The following CCDC171 variants were observed in gnomAD, a reference collection of about 807,000 sequenced individuals.
CCDC171 encodes the protein coiled-coil domain containing 171.
CCDC171 carries 177 observed loss-of-function variants against 168.2 expected under a neutral mutation model. The observed-to-expected ratio is 1.05, with a 90% confidence interval of 0.93 to 1.19. The LOEUF (loss-of-function observed/expected upper bound fraction) is 1.19, where lower values mean the gene tolerates loss of function less well. Ranked by LOEUF, CCDC171 falls within the 50% of genes most tolerant of loss-of-function variation. The pLI, the probability that CCDC171 is intolerant of heterozygous loss-of-function variation, is 0.00. For missense variants in CCDC171, 1,991 were observed against 1,539.0 expected (o/e 1.29, Z -4.91); for synonymous variants, 687 against 540.8 (o/e 1.27, Z -3.75).
chr9:15,828,303 T>C (rs2060096683), intron 21 of CCDC171, among the ~76,000 whole-genome samples: 1 of 145,746 alleles, frequency 6.9e-6, no homozygotes, highest in South Asian at 2.3e-4. Context: ...GATCTAAATT[T>C]GGAAGGCAGG....
At chr9:16,007,093 A>C (rs1411978516) in intron 3 of CCDC171, among the ~76,000 whole-genome samples, 1 of 151,914 alleles carries the variant, frequency 6.6e-6, no homozygotes, top group Non-Finnish European at 1.5e-5. Context: ...TCCAGCACCC[A>C]TTGTTTCCTG....
chr9:15,740,399 T>C (rs1221893090), intron 16 of CCDC171, among the ~76,000 whole-genome samples: 1 of 151,394 alleles, frequency 6.6e-6, no homozygotes, highest in African/African-American at 2.4e-5. Context: ...TTTTTTTATG[T>C]ACAAATAACG....
intron 1 of CCDC171, among the ~76,000 whole-genome samples, chr9:16,059,127 C>CCATG (rs1329141722): frequency 6.6e-6 from 1 of 152,150 alleles, no homozygotes; most frequent in Non-Finnish European, 1.5e-5. Flanking sequence ...GTCTGATGAG[C>CCATG]CATGTTCTTG....
At chr9:15,831,195 A>C (rs890837112) in intron 21 of CCDC171, among the ~76,000 whole-genome samples, 3 of 151,954 alleles carry the variant, frequency 2.0e-5, no homozygotes, top group Non-Finnish European at 2.9e-5. Flanking sequence ...GATGGTCTCG[A>C]ACTCCTAACC....
At chr9:15,873,887 C>A (rs1817508496) in intron 23 of CCDC171, among the ~76,000 whole-genome samples, 1 of 151,994 alleles carries the variant, frequency 6.6e-6, no homozygotes, top group South Asian at 2.1e-4. Context: ...ACAAATACTA[C>A]TGATTTTATC....
intron 6 of CCDC171, among the ~76,000 whole-genome samples, chr9:15,596,555 G>A (rs77385603): frequency 1.3e-5 from 2 of 152,030 alleles, no homozygotes; most frequent in East Asian, 3.8e-4. Flanking sequence ...TAGCCTTGTA[G>A]TATAGTTTGA....
intron 25 of CCDC171, among the ~76,000 whole-genome samples, chr9:15,969,042 CT>C (rs1164650982): frequency 6.6e-6 from 1 of 152,180 alleles, no homozygotes; most frequent in African/African-American, 2.4e-5. Flanking sequence ...CTCTGTCTCT[CT>C]TTTTCATCTC....
chr9:15,662,267 A>G (rs1307568567), intron 8 of CCDC171, among the ~76,000 whole-genome samples: 2 of 151,996 alleles, frequency 1.3e-5, no homozygotes, highest in East Asian at 3.9e-4. Context: ...ACAGAGTGAG[A>G]CTCTGTCCCC....
intron 6 of CCDC171, among the ~76,000 whole-genome samples, chr9:15,618,311 A>G (rs1019395908): frequency 6.6e-6 from 1 of 152,168 alleles, no homozygotes; most frequent in Non-Finnish European, 1.5e-5. Context: ...CAGTCTCCTT[A>G]GCACTATCAG....
chr9:15,682,439 C>G (rs746160715), intron 10 of CCDC171, among the ~76,000 whole-genome samples: 47 of 151,890 alleles, frequency 3.1e-4, no homozygotes, highest in Non-Finnish European at 5.5e-4. Flanking sequence ...TATAAACCAG[C>G]TAAATTTAAT....
chr9:15,983,885 T>C (rs1031657681), intron 3 of CCDC171, among the ~76,000 whole-genome samples: 2 of 149,446 alleles, frequency 1.3e-5, no homozygotes, highest in Non-Finnish European at 3.0e-5. Flanking sequence ...CACTACTGTA[T>C]CAATTTTACC....
rs572532358 is a variant in CCDC171, at chr9:15,965,714, G to A, written c.3754-5895G>A. 1.1e-4 allele frequency among the ~76,000 whole-genome samples: 16 copies of A among 152,352 alleles called. No individual in the cohort carries two copies. The South Asian group carries it at 3.3e-3, about 32-fold the overall frequency. On this transcript the variant is annotated intron_variant, in intron 25 of 25. Transcript: ENST00000380701. ...AAGGGAAGATATGCTACACATTTTT[G>A]TGTATATTATTCCATTTAATCCTCC...
chr9:15,656,861 GTA>G (rs1285907613), intron 7 of CCDC171, among the ~76,000 whole-genome samples: 1 of 151,472 alleles, frequency 6.6e-6, no homozygotes, highest in Non-Finnish European at 1.5e-5. Context: ...GTGTGTGTGT[GTA>G]TAAAAATTTA....
At chr9:16,013,769 T>C (rs1218791893) in intron 3 of CCDC171, among the ~76,000 whole-genome samples, 1 of 152,266 alleles carries the variant, frequency 6.6e-6, no homozygotes, top group African/African-American at 2.4e-5. Context: ...TACACTATAC[T>C]GTAATCTATT....
chr9:15,682,797 A>C (rs1024372513), intron 10 of CCDC171, among the ~76,000 whole-genome samples: 2 of 152,024 alleles, frequency 1.3e-5, no homozygotes, highest in African/African-American at 4.8e-5. Context: ...GAATTTGACT[A>C]TAAAAAGTTT....
chr9:15,845,956 A>C (rs144741734), intron 21 of CCDC171, among the ~76,000 whole-genome samples: 15 of 152,224 alleles, frequency 9.9e-5, no homozygotes, highest in African/African-American at 3.6e-4. Context: ...TGTTAAGTAA[A>C]TATTTCAGAT....
chr9:15,992,706 G>A (rs529819656), intron 3 of CCDC171, among the ~76,000 whole-genome samples: 1 of 152,166 alleles, frequency 6.6e-6, no homozygotes, highest in Non-Finnish European at 1.5e-5. Flanking sequence ...CATTGTCTCA[G>A]TCCAAAATCT....
downstream of CCDC171, among the ~76,000 whole-genome samples, chr9:15,978,939 T>A (rs776782265): frequency 6.6e-6 from 1 of 152,180 alleles, no homozygotes; most frequent in Non-Finnish European, 1.5e-5. Context: ...CTACTTTCTA[T>A]CTCTATGGAT....
At chr9:15,862,793 C>T (rs1391808383) in intron 23 of CCDC171, among the ~76,000 whole-genome samples, 4 of 152,010 alleles carry the variant, frequency 2.6e-5, no homozygotes, top group Non-Finnish European at 5.9e-5. Flanking sequence ...CTAGAGTATG[C>T]TAGAACCTCA....
Sources: gnomAD v4.1 joint callset for allele counts (sites outside exome capture counted in the v4.1 genomes callset) on GRCh38, gnomAD v4.1.1 for gene constraint, MANE v1.5 for transcripts, NCBI Gene and HGNC (gene_info 2026-07-23, HGNC 2026-07-21) for gene names.